The following OR3A2 variants were observed in gnomAD, a reference collection of about 807,000 sequenced individuals.
The protein encoded by OR3A2 is olfactory receptor family 3 subfamily A member 2.
For missense variants in OR3A2, 318 were observed against 392.8 expected, an observed-to-expected ratio of 0.81 and a Z score of 1.61; for synonymous variants, 126 against 159.3, an observed-to-expected ratio of 0.79 and a Z score of 1.57.
At chr17:3,295,623 C>T (rs959329450) in intron 3 of OR3A2, among the ~76,000 whole-genome samples, 1 of 151,874 alleles carries the variant, frequency 6.6e-6, no homozygotes, top group Admixed American at 6.6e-5. Context: ...GTGGGCCAAG[C>T]TCATCTAGTA....
chr17:3,284,707 C>G (rs146521624), upstream of OR3A2, among the ~76,000 whole-genome samples: 68 of 144,634 alleles, frequency 4.7e-4, 3 homozygotes, highest in East Asian at 0.011. Context: ...GTTGTTACGG[C>G]AGATGATGTC....
chr17:3,326,068 G>C (rs1371072145), intron 3 of OR3A2, among the ~76,000 whole-genome samples: 1 of 152,034 alleles, frequency 6.6e-6, no homozygotes, highest in South Asian at 2.1e-4. Context: ...GCATTAGTTT[G>C]CTAAGGATAA....
intron 3 of OR3A2, among the ~76,000 whole-genome samples, chr17:3,334,102 A>T (rs1423336944): frequency 6.6e-6 from 1 of 152,210 alleles, no homozygotes; most frequent in Admixed American, 6.5e-5. Context: ...AAGTCAAGAA[A>T]CAACAGATGC....
At chr17:3,340,034 T>C (rs1265289818) in intron 2 of OR3A2, among the ~76,000 whole-genome samples, 1 of 152,234 alleles carries the variant, frequency 6.6e-6, no homozygotes, top group East Asian at 1.9e-4. Context: ...TATCCATTTC[T>C]TCTAGATTTT....
chr17:3,354,481 T>C (rs940512679), intron 2 of OR3A2, among the ~76,000 whole-genome samples: 2 of 151,270 alleles, frequency 1.3e-5, no homozygotes, highest in Non-Finnish European at 2.9e-5. Context: ...TCTATTTGTA[T>C]TTTGGATTTC....
chr17:3,284,987 C>T (rs190511792), upstream of OR3A2, among the ~76,000 whole-genome samples: 1 of 152,086 alleles, frequency 6.6e-6, no homozygotes, highest in Non-Finnish European at 1.5e-5. Flanking sequence ...AGTAGTGAGG[C>T]GCTTTCTCTC....
chr17:3,334,653 C>T (rs1366081337), intron 3 of OR3A2, among the ~76,000 whole-genome samples: 1 of 152,096 alleles, frequency 6.6e-6, no homozygotes, highest in Non-Finnish European at 1.5e-5. Context: ...AGTTTTTCTA[C>T]CATTGGGATT....
chr17:3,343,578 C>T (rs1282769625), intron 2 of OR3A2, among the ~76,000 whole-genome samples: 2 of 152,168 alleles, frequency 1.3e-5, no homozygotes, highest in African/African-American at 4.8e-5. Flanking sequence ...GAAACCATGA[C>T]TTCTTTCCAC....
At chr17:3,358,882 T>G (rs1041853671) in intron 2 of OR3A2, among the ~76,000 whole-genome samples, 1 of 151,666 alleles carries the variant, frequency 6.6e-6, no homozygotes, top group Non-Finnish European at 1.5e-5. Flanking sequence ...AGTGGAGTGT[T>G]GAAGAGTCCC....
chr17:3,370,640 T>C (rs1461022793), intron 2 of OR3A2, among the ~76,000 whole-genome samples: 1 of 151,902 alleles, frequency 6.6e-6, no homozygotes, highest in Non-Finnish European at 1.5e-5. Context: ...TCGGATTTTT[T>C]TTTTTATTGT....
chr17:3,290,955 T>C (rs2048859790), intron 3 of OR3A2: 2 of 152,206 alleles, frequency 1.3e-5, no homozygotes, highest in Admixed American at 1.3e-4. Context: ...AAAATTCATT[T>C]TTGTAACATA....
intron 3 of OR3A2, among the ~76,000 whole-genome samples, chr17:3,319,626 T>C (rs2049103313): frequency 6.6e-6 from 1 of 152,082 alleles, no homozygotes; most frequent in Admixed American, 6.6e-5. Flanking sequence ...ACATGAGGTG[T>C]TCGGTTTTCT....
chr17:3,386,283 G>C, exon 1 of OR3A2: 1 of 398,582 alleles, frequency 2.5e-6, no homozygotes, highest in Middle Eastern at 6.3e-4. Context: ...TGGCGGCCAT[G>C]TCCTACGACC....
intron 1 of OR3A2, among the ~76,000 whole-genome samples, chr17:3,280,419 C>A (rs900443551): frequency 4.6e-5 from 7 of 151,892 alleles, no homozygotes; most frequent in African/African-American, 1.7e-4. Flanking sequence ...CTACAGGCGC[C>A]CACCACCACG....
chr17:3,386,183 T>G (rs1010687811), exon 1 of OR3A2: 1 of 398,850 alleles, frequency 2.5e-6, no homozygotes, highest in Non-Finnish European at 4.4e-6. Flanking sequence ...CTGGCCGGCC[T>G]GCTCCACCCG....
chr17:3,370,817 T>C (rs902771045), intron 2 of OR3A2, among the ~76,000 whole-genome samples: 27 of 151,240 alleles, frequency 1.8e-4, no homozygotes, highest in African/African-American at 6.1e-4. Flanking sequence ...GATTAGGGAG[T>C]GGTGATGACT....
chr17:3,365,512 T>G (rs2049555017), intron 2 of OR3A2, among the ~76,000 whole-genome samples: 1 of 152,152 alleles, frequency 6.6e-6, no homozygotes, highest in Non-Finnish European at 1.5e-5. Context: ...GGTAACAAAT[T>G]AACTTCATAA....
intron 2 of OR3A2, among the ~76,000 whole-genome samples, chr17:3,370,425 G>C (rs958909558): frequency 6.6e-6 from 1 of 151,996 alleles, no homozygotes; most frequent in Non-Finnish European, 1.5e-5. Context: ...TCTTTTCTTG[G>C]TTAATCTCAA....
chr17:3,324,357 C>G (rs532666422), intron 3 of OR3A2, among the ~76,000 whole-genome samples: 1 of 152,066 alleles, frequency 6.6e-6, no homozygotes, highest in Non-Finnish European at 1.5e-5. Flanking sequence ...CTTTTCTCAA[C>G]TCATCAAAGT....
Sources: gnomAD v4.1 joint callset for allele counts (sites outside exome capture counted in the v4.1 genomes callset) on GRCh38, gnomAD v4.1.1 for gene constraint, MANE v1.5 for transcripts, NCBI Gene and HGNC (gene_info 2026-07-23, HGNC 2026-07-21) for gene names.